NEDD4: variants seen among roughly 807,000 people sequenced by gnomAD.
The protein encoded by NEDD4 is NEDD4 E3 ubiquitin protein ligase.
In NEDD4, 99 loss-of-function variants were observed where a neutral mutation model predicts 144.9. The ratio of observed to expected loss-of-function variants is 0.68; its 90% confidence interval spans 0.58 to 0.81. The LOEUF (loss-of-function observed/expected upper bound fraction) is 0.81. Ranked by LOEUF, NEDD4 falls within the 30% of genes least tolerant of loss-of-function variation. NEDD4 has a pLI of 0.00. For synonymous variants in NEDD4, 318 were observed against 350.6 expected, an observed-to-expected ratio of 0.91 and a Z score of 1.04; for missense variants, 985 against 1,065.9, an observed-to-expected ratio of 0.92 and a Z score of 1.06.
chr15:55,917,417 T>C (rs2036482756), intron 5 of NEDD4, among the ~76,000 whole-genome samples: 1 of 152,034 alleles, frequency 6.6e-6, no homozygotes, highest in Admixed American at 6.6e-5. Flanking sequence ...TTCCAAATAG[T>C]AGCCATACTA....
intron 12 of NEDD4, among the ~76,000 whole-genome samples, chr15:55,855,240 C>G (rs1566912458): frequency 6.6e-6 from 1 of 152,146 alleles, no homozygotes; most frequent in Non-Finnish European, 1.5e-5. Flanking sequence ...CATTCCTGTG[C>G]TAGAACATAC....
At chr15:55,942,973 G>A (rs1462798956) in intron 4 of NEDD4, among the ~76,000 whole-genome samples, 1 of 152,172 alleles carries the variant, frequency 6.6e-6, no homozygotes, top group African/African-American at 2.4e-5. Context: ...TGAAATAAAG[G>A]TCCCTCTTGC....
At chr15:55,941,587 C>T (rs2037005968) in intron 4 of NEDD4, among the ~76,000 whole-genome samples, 1 of 145,260 alleles carries the variant, frequency 6.9e-6, no homozygotes, top group African/African-American at 2.6e-5. Context: ...TTTTTTGAGA[C>T]AGAGTCTCAC....
chr15:55,900,166 A>G (rs2035868870), intron 5 of NEDD4, among the ~76,000 whole-genome samples: 1 of 152,036 alleles, frequency 6.6e-6, no homozygotes, highest in Admixed American at 6.6e-5. Flanking sequence ...TCGTAAGGAA[A>G]GGAGGAGGAA....
chr15:55,935,833 G>A (rs2036878594), intron 4 of NEDD4, among the ~76,000 whole-genome samples: 1 of 133,890 alleles, frequency 7.5e-6, no homozygotes, highest in African/African-American at 2.8e-5. Context: ...GCGACAGAGT[G>A]AGACTCTGTT....
intron 24 of NEDD4, among the ~76,000 whole-genome samples, chr15:55,836,465 C>T (rs1308549736): frequency 6.6e-6 from 1 of 152,144 alleles, no homozygotes; most frequent in Non-Finnish European, 1.5e-5. Flanking sequence ...TTCCCAGGCT[C>T]AAGTGATCCT....
chr15:55,976,784 A>T (rs1214614328), intron 1 of NEDD4, among the ~76,000 whole-genome samples: 9 of 124,954 alleles, frequency 7.2e-5, no homozygotes, highest in Admixed American at 6.8e-4. Context: ...GCCCGCCACC[A>T]CACCTGGCTA....
At chr15:55,929,820 T>C (rs1294813520) in intron 4 of NEDD4, among the ~76,000 whole-genome samples, 1 of 152,074 alleles carries the variant, frequency 6.6e-6, no homozygotes. Flanking sequence ...AAAAGAGTTT[T>C]AAAAACTATA....
intron 5 of NEDD4, among the ~76,000 whole-genome samples, chr15:55,886,504 C>T (rs571129434): frequency 2.0e-5 from 3 of 152,296 alleles, no homozygotes; most frequent in East Asian, 1.9e-4. Flanking sequence ...TGGTTGCTCA[C>T]GCCTCTAATC....
rs2036584811 is a variant in NEDD4 at position 55,922,330 on chromosome 15, T to A, written c.291+2316A>T. Among the ~76,000 whole-genome samples the A allele has an allele frequency of 4.6e-5, 7 of 152,318 alleles. No individual in the cohort carries two copies. The South Asian group carries it at 1.5e-3, about 32-fold the overall frequency. On this transcript the variant is annotated intron_variant, in intron 5 of 28. Coordinates refer to ENST00000435532, the MANE Select transcript of NEDD4 (RefSeq NM_006154.4). ...AATGTCTATAGAGATATACTATTTT[T>A]ACAAATTAAAAAATATGCAAAATAA...
intron 1 of NEDD4, chr15:55,991,787 G>C (rs189142430): frequency 1.3e-5 from 2 of 152,132 alleles, no homozygotes; most frequent in African/African-American, 4.8e-5. Context: ...GTTCCTTACC[G>C]ACCACCCATT....
At chr15:55,979,609 T>A (rs566716384) in intron 1 of NEDD4, among the ~76,000 whole-genome samples, 71 of 152,060 alleles carry the variant, frequency 4.7e-4, no homozygotes, top group African/African-American at 1.6e-3. Flanking sequence ...CGCCTCGGCC[T>A]CCCAAAGTGC....
chr15:55,920,513 G>C (rs551981613), intron 5 of NEDD4, among the ~76,000 whole-genome samples: 14 of 152,150 alleles, frequency 9.2e-5, no homozygotes, highest in African/African-American at 2.9e-4. Context: ...ATAATGAAAC[G>C]ACAATATTTT....
At chr15:55,910,602 G>A (rs1443885253) in intron 5 of NEDD4, among the ~76,000 whole-genome samples, 2 of 151,718 alleles carry the variant, frequency 1.3e-5, no homozygotes, top group Non-Finnish European at 2.9e-5. Context: ...CCTTATCTGA[G>A]GCTTTGACTA....
In NEDD4 at chr15:55,852,560, CAGA is replaced by C. The variant is rs772291120; in HGVS notation, c.1027-20_1027-18del. ...AGGCAAAAGCTAAAGTGAAGAATAA[CAGA>C]AGAATTAAATACATCAAGTTTAAGA... On this transcript the variant is annotated intron_variant, in intron 12 of 28. Coordinates refer to ENST00000435532, the MANE Select transcript of NEDD4 (RefSeq NM_006154.4). The C allele has an allele frequency of 3.1e-6, 5 of 1,611,120 alleles. No individual in the cohort carries two copies.
intron 24 of NEDD4, among the ~76,000 whole-genome samples, chr15:55,835,266 A>G (rs1371415018): frequency 1.2e-4 from 19 of 152,198 alleles, no homozygotes; most frequent in African/African-American, 4.3e-4. Flanking sequence ...CTTTGCAGCT[A>G]TATCTAATAA....
chr15:55,941,675 G>A (rs958877740), intron 4 of NEDD4, among the ~76,000 whole-genome samples: 1 of 151,222 alleles, frequency 6.6e-6, no homozygotes, highest in Non-Finnish European at 1.5e-5. Flanking sequence ...AGCGATTCTC[G>A]TGCCCAGTCT....
chr15:55,882,701 C>A lies in NEDD4; in HGVS notation c.292-8693G>T, dbSNP rs140909650. 3.3e-3 allele frequency among the ~76,000 whole-genome samples: 495 copies of A among 152,272 alleles called. 4 individuals carry two copies. The highest frequency in any genetic ancestry group is 3.7e-3 in the Non-Finnish European group (255 of 68,018). ...CTAGTGAGACACCAGTTGGAGTGGT[C>A]AAGGGAGTGCGTGTGCCACCCCTAC... On this transcript the variant is annotated intron_variant, in intron 5 of 28. Coordinates refer to ENST00000435532, the MANE Select transcript of NEDD4 (RefSeq NM_006154.4).
chr15:55,905,782 C>T, intron 5 of NEDD4, among the ~76,000 whole-genome samples: 1 of 152,056 alleles, frequency 6.6e-6, no homozygotes, highest in East Asian at 1.9e-4. Flanking sequence ...AGCTCTTTGT[C>T]AGATAAGTAG....
Sources: allele counts gnomAD v4.1 joint callset (sites outside exome capture counted in the v4.1 genomes callset), GRCh38; gene constraint gnomAD v4.1.1; transcripts MANE v1.5; gene names NCBI Gene and HGNC (gene_info 2026-07-23, HGNC 2026-07-21).